The following MTUS2 variants were observed in gnomAD, a reference collection of about 807,000 sequenced individuals.
The protein encoded by MTUS2 is microtubule associated scaffold protein 2.
Under a neutral mutation model 114.1 loss-of-function variants are expected in MTUS2, and 40 were observed. The observed-to-expected ratio is 0.35, with a 90% CI of 0.27 to 0.46. The LOEUF is 0.46. MTUS2 is among the 20% of genes least tolerant of loss of function. The probability of loss-of-function intolerance (pLI) is 1.00; values close to 1 mark genes in which losing one functional copy is unlikely to be tolerated. For missense variants in MTUS2, 1,679 were observed against 1,705.4 expected (o/e 0.98, Z 0.27); for synonymous variants, 688 against 672.0 (o/e 1.02, Z -0.37).
At chr13:29,392,351 T>C (rs1873568835) in intron 8 of MTUS2, among the ~76,000 whole-genome samples, 1 of 152,086 alleles carries the variant, frequency 6.6e-6, no homozygotes, top group Admixed American at 6.6e-5. Flanking sequence ...ACTGGCTTAT[T>C]TCACCCAGCA....
intron 2 of MTUS2, among the ~76,000 whole-genome samples, chr13:28,866,788 A>G (rs1280429024): frequency 6.6e-6 from 1 of 152,044 alleles, no homozygotes; most frequent in Non-Finnish European, 1.5e-5. Flanking sequence ...GTATTGTTTG[A>G]TTAAAGGATG....
intron 9 of MTUS2, among the ~76,000 whole-genome samples, chr13:29,442,722 T>C (rs191116258): frequency 6.6e-6 from 1 of 152,252 alleles, no homozygotes; most frequent in Non-Finnish European, 1.5e-5. Flanking sequence ...TGGCCCAGGG[T>C]GCCTCAGCAC....
In MTUS2 at chr13:29,380,902, G is replaced by A. The variant is rs1461668835; in HGVS notation, c.3117+21429G>A. Among the ~76,000 whole-genome samples, 6 of 14,164 alleles carry A rather than the reference G, an allele frequency of 4.2e-4. 3 individuals are homozygous for A. Among genetic ancestry groups the A allele is most frequent in the Admixed American group, 3.5e-3 (2 of 576 alleles). 9.3% of individuals were successfully genotyped at this position (14,164 alleles called of 152,430 possible). ...CTGCAGTCCGCAGTCTGGCCTGGGC[G>A]ACAGAGCGAGACTCCGTCTCAAAAA... is the stretch of plus-strand genomic sequence containing the variant. On this transcript the variant is annotated intron_variant, in intron 8 of 15. Coordinates refer to ENST00000612955, the MANE Select transcript of MTUS2 (RefSeq NM_001033602.4).
At chr13:29,501,730 G>A (rs1028709557) in intron 15 of MTUS2, among the ~76,000 whole-genome samples, 1 of 152,130 alleles carries the variant, frequency 6.6e-6, no homozygotes, top group Non-Finnish European at 1.5e-5. Flanking sequence ...TAAGACCCAG[G>A]CCTGAACCCT....
rs571685932 is a variant in MTUS2, at chr13:29,416,633, A to T, written c.3118-23350A>T. 5.9e-5 allele frequency among the ~76,000 whole-genome samples: 9 copies of T among 152,226 alleles called. No homozygotes were observed. The South Asian group carries it at 1.7e-3, about 28-fold the overall frequency. On this transcript the variant is annotated intron_variant, in intron 8 of 15. Transcript: ENST00000612955. ...AAACTCACAGTTTCAAGATTCCCTA[A>T]GGTTTTGTGTGTTTCACACTTTGCC...
At chr13:29,280,113 G>T (rs1898212058) in intron 5 of MTUS2, among the ~76,000 whole-genome samples, 1 of 152,196 alleles carries the variant, frequency 6.6e-6, no homozygotes, top group African/African-American at 2.4e-5. Flanking sequence ...TCTAGCACTG[G>T]ACTGGTGCAT....
intron 6 of MTUS2, among the ~76,000 whole-genome samples, chr13:29,290,751 C>T (rs1414609004): frequency 2.6e-5 from 4 of 152,128 alleles, no homozygotes. Flanking sequence ...AGGGCTCTTC[C>T]CCTTGTAGCT....
At chr13:29,067,775 G>A (rs1441887568) in intron 4 of MTUS2, among the ~76,000 whole-genome samples, 1 of 152,088 alleles carries the variant, frequency 6.6e-6, no homozygotes, top group East Asian at 1.9e-4. Flanking sequence ...AAAGGTATGG[G>A]GGTGATAACT....
At chr13:29,222,502 C>G (rs889797017) in intron 5 of MTUS2, among the ~76,000 whole-genome samples, 1 of 152,192 alleles carries the variant, frequency 6.6e-6, no homozygotes. Flanking sequence ...ATGATCTTTT[C>G]TTTTTCAAGT....
chr13:29,199,113 C>T (rs1894827962), intron 5 of MTUS2, among the ~76,000 whole-genome samples: 1 of 151,914 alleles, frequency 6.6e-6, no homozygotes, highest in Non-Finnish European at 1.5e-5. Context: ...CATATGGAAA[C>T]AAAAAAGAGC....
chr13:29,430,019 G>A (rs1283055354), intron 8 of MTUS2, among the ~76,000 whole-genome samples: 1 of 152,116 alleles, frequency 6.6e-6, no homozygotes, highest in Non-Finnish European at 1.5e-5. Flanking sequence ...CCATGAGTAT[G>A]AACTAAAATA....
At chr13:29,501,912 CAT>C (rs554955234) in intron 15 of MTUS2, among the ~76,000 whole-genome samples, 2 of 152,188 alleles carry the variant, frequency 1.3e-5, no homozygotes, top group Admixed American at 6.5e-5. Flanking sequence ...CGCACACACT[CAT>C]ATACTCATAC....
chr13:29,149,624 AT>A (rs1364610511), intron 5 of MTUS2, among the ~76,000 whole-genome samples: 3 of 151,886 alleles, frequency 2.0e-5, no homozygotes, highest in Non-Finnish European at 4.4e-5. Flanking sequence ...TATTGCCTAG[AT>A]TTTCTTCTAG....
At chr13:29,315,555 T>C (rs1018736577) in intron 6 of MTUS2, among the ~76,000 whole-genome samples, 2 of 152,188 alleles carry the variant, frequency 1.3e-5, no homozygotes, top group Non-Finnish European at 2.9e-5. Flanking sequence ...GCCACAGTGA[T>C]ACCTGGTGAC....
intron 4 of MTUS2, among the ~76,000 whole-genome samples, chr13:29,062,662 G>A (rs1888476539): frequency 6.6e-6 from 1 of 151,916 alleles, no homozygotes; most frequent in Non-Finnish European, 1.5e-5. Context: ...AGTATGCTGT[G>A]ACTTAGATAT....
intron 2 of MTUS2, among the ~76,000 whole-genome samples, chr13:28,975,463 G>GCCTGCGGCAGCATCGCCCTCC (rs67293311): frequency 0.027 from 485 of 18,284 alleles, 10 homozygotes; most frequent in South Asian, 0.14. Flanking sequence ...TTCCAATCTC[G>GCCTGCGGCAGCATCGCCCTCC]CCTGCGGCAG....
At chr13:28,857,492 G>C (rs1190261793) in intron 2 of MTUS2, among the ~76,000 whole-genome samples, 1 of 152,178 alleles carries the variant, frequency 6.6e-6, no homozygotes, top group Non-Finnish European at 1.5e-5. Flanking sequence ...GGAAGAAAGA[G>C]GGTTTTCATA....
intron 2 of MTUS2, among the ~76,000 whole-genome samples, chr13:28,996,475 A>T (rs1593367017): frequency 6.6e-6 from 1 of 152,316 alleles, no homozygotes; most frequent in South Asian, 2.1e-4. Flanking sequence ...AAGGAATGGT[A>T]GCAGCTCCTC....
At chr13:28,865,437 C>T (rs1303363747) in intron 2 of MTUS2, among the ~76,000 whole-genome samples, 1 of 152,064 alleles carries the variant, frequency 6.6e-6, no homozygotes, top group African/African-American at 2.4e-5. Flanking sequence ...GATAAAACAC[C>T]CAGAAAATAC....
Sources: gnomAD v4.1 joint callset for allele counts (sites outside exome capture counted in the v4.1 genomes callset) on GRCh38, gnomAD v4.1.1 for gene constraint, MANE v1.5 for transcripts, NCBI Gene and HGNC (gene_info 2026-07-23, HGNC 2026-07-21) for gene names.